The following MARCHF1 variants were observed in gnomAD, a reference collection of about 807,000 sequenced individuals.
MARCHF1 encodes the protein E3 ubiquitin-protein ligase MARCHF1.
In MARCHF1, 40 loss-of-function variants were observed where a neutral mutation model predicts 54.2. The ratio of observed to expected loss-of-function variants is 0.74; its 90% confidence interval spans 0.57 to 0.96. The LOEUF (loss-of-function observed/expected upper bound fraction) is 0.96, where lower values mean the gene tolerates loss of function less well. Ranked by LOEUF, MARCHF1 falls within the 40% of genes least tolerant of loss-of-function variation. The pLI is 0.00. For missense variants in MARCHF1, 586 were observed against 656.5 expected (o/e 0.89, Z 1.17); for synonymous variants, 236 against 236.3 (o/e 1.00, Z 0.01).
chr4:163,660,197 TA>T (rs1743296319), intron 5 of MARCHF1, among the ~76,000 whole-genome samples: 1 of 152,008 alleles, frequency 6.6e-6, no homozygotes, highest in Non-Finnish European at 1.5e-5. Context: ...ATGTGGCACA[TA>T]TATATGAAGG....
intron 1 of MARCHF1, among the ~76,000 whole-genome samples, chr4:164,316,695 G>T (rs952172625): frequency 2.6e-5 from 4 of 152,242 alleles, no homozygotes; most frequent in Non-Finnish European, 4.4e-5. Flanking sequence ...GTTTGGATTT[G>T]TGTCCCCTCA....
chr4:164,326,470 G>A lies in MARCHF1; in HGVS notation c.-323+57400C>T, dbSNP rs142289132. ...ACAGGTAATCATCAAAACAGGAAGA[G>A]AACACATGACTCTAAAGATAGTTGC... On this transcript the variant is annotated intron_variant, in intron 1 of 9. Coordinates refer to ENST00000514618, the MANE Select transcript of MARCHF1 (RefSeq NM_001394959.1). Among the ~76,000 whole-genome samples the A allele has an allele frequency of 1.2e-3, 189 of 152,280 alleles. 5 individuals carry two copies. In the East Asian group the frequency reaches 0.031, roughly 25 times the overall value.
intron 1 of MARCHF1, among the ~76,000 whole-genome samples, chr4:164,142,953 T>G (rs981743904): frequency 2.0e-5 from 3 of 151,884 alleles, no homozygotes; most frequent in Admixed American, 6.6e-5. Context: ...ATAACTAGAA[T>G]AACCAAAACA....
chr4:164,035,490 C>T (rs1260131585), intron 2 of MARCHF1, among the ~76,000 whole-genome samples: 1 of 150,930 alleles, frequency 6.6e-6, no homozygotes, highest in Non-Finnish European at 1.5e-5. Flanking sequence ...AACTACATAA[C>T]TTTTCATTGT....
chr4:163,567,685 C>A (rs1409421627), intron 8 of MARCHF1, among the ~76,000 whole-genome samples: 1 of 152,152 alleles, frequency 6.6e-6, no homozygotes, highest in African/African-American at 2.4e-5. Flanking sequence ...GTGCTTTTCA[C>A]CTTACACAAT....
At chr4:163,772,103 A>G (rs1041244502) in intron 4 of MARCHF1, among the ~76,000 whole-genome samples, 1 of 152,168 alleles carries the variant, frequency 6.6e-6, no homozygotes, top group African/African-American at 2.4e-5. Context: ...CACAATCTGC[A>G]TATTCACAAC....
Position 163,813,004 on chromosome 4 carries a change from A to T in MARCHF1, c.111+41017T>A, listed in dbSNP as rs552297817. 2.3e-3 allele frequency among the ~76,000 whole-genome samples: 344 copies of T among 152,290 alleles called. 2 individuals carry two copies. Among genetic ancestry groups the T allele is most frequent in the African/African-American group, 7.9e-3 (328 of 41,556 alleles). The stretch of plus-strand genomic sequence containing the variant: ...GTCAGCTCAGAAGAGGTAGGGTATT[A>T]TAGTTAAATGAGCTATAAAAGTCAT... On this transcript the variant is annotated intron_variant, in intron 4 of 9. Coordinates refer to ENST00000514618, the MANE Select transcript of MARCHF1 (RefSeq NM_001394959.1).
chr4:163,710,001 G>C (rs183211360), intron 4 of MARCHF1, among the ~76,000 whole-genome samples: 1 of 152,092 alleles, frequency 6.6e-6, no homozygotes, highest in Non-Finnish European at 1.5e-5. Flanking sequence ...ATTAAATTTT[G>C]CACTACGTAG....
rs147491575 is a variant in MARCHF1 at position 164,022,735 on chromosome 4, A to T, written c.-247-34026T>A. On this transcript the variant is annotated intron_variant, in intron 2 of 9. Transcript: ENST00000514618. The stretch of plus-strand genomic sequence containing the variant: ...CCCCAAGGTTCCCCATCTCCGTCCA[A>T]GTATCTCTAGTCCCAGCTGACAGCT... 1.7e-3 allele frequency among the ~76,000 whole-genome samples: 258 copies of T among 152,330 alleles called. 1 individual carries two copies. The highest frequency in any genetic ancestry group is 5.6e-3 in the African/African-American group (231 of 41,576).
At chr4:163,857,274 A>T (rs995529191) in intron 3 of MARCHF1, among the ~76,000 whole-genome samples, 1 of 152,158 alleles carries the variant, frequency 6.6e-6, no homozygotes, top group Non-Finnish European at 1.5e-5. Context: ...TACAATATAG[A>T]TTCTAAAAAT....
rs114840380 is a variant in MARCHF1 at position 163,533,156 on chromosome 4, G to T, written c.1340-4110C>A. Among the ~76,000 whole-genome samples the T allele has an allele frequency of 7.3e-3, 1,106 of 152,102 alleles. 10 individuals carry two copies. The highest frequency in any genetic ancestry group is 0.024 in the African/African-American group (1,015 of 41,520). ...AACTGTGATACATCCATGTAATGGA[G>T]TATTATTTAGTGATTAAAAAGAAAT... is the stretch of plus-strand genomic sequence containing the variant. On this transcript the variant is annotated intron_variant, in intron 9 of 9. Transcript: ENST00000514618.
chr4:164,213,093 TTA>T (rs1041088194), intron 1 of MARCHF1, among the ~76,000 whole-genome samples: 1 of 151,944 alleles, frequency 6.6e-6, no homozygotes, highest in Non-Finnish European at 1.5e-5. Context: ...GTGTGTGTGC[TTA>T]TGTCATATAT....
At position 164,232,679 on chromosome 4, in the gene MARCHF1, C is replaced by A. The variant is rs1031513764; in HGVS notation, c.-322-121017G>T. ...TAATGTCATACATTAAAACTCCATA[C>A]CTTGTATGGTATCATATCAAAAATG... On this transcript the variant is annotated intron_variant, in intron 1 of 9. Coordinates refer to ENST00000514618, the MANE Select transcript of MARCHF1 (RefSeq NM_001394959.1). Among the ~76,000 whole-genome samples the A allele has an allele frequency of 4.6e-5, 7 of 152,214 alleles. No homozygotes were observed. In the East Asian group the frequency reaches 1.2e-3, roughly 25 times the overall value.
chr4:163,831,702 G>A (rs949964341), intron 4 of MARCHF1, among the ~76,000 whole-genome samples: 1 of 152,286 alleles, frequency 6.6e-6, no homozygotes, highest in Non-Finnish European at 1.5e-5. Flanking sequence ...CAAATCAAAT[G>A]TTTGAGGAAA....
chr4:164,139,111 T>A (rs114173159), intron 1 of MARCHF1, among the ~76,000 whole-genome samples: 171 of 152,284 alleles, frequency 1.1e-3, no homozygotes, highest in African/African-American at 4.0e-3. Context: ...TGTGGTAAGA[T>A]GAGTACAATA....
chr4:163,810,580 A>T (rs1317306613), intron 4 of MARCHF1, among the ~76,000 whole-genome samples: 1 of 152,204 alleles, frequency 6.6e-6, no homozygotes, highest in African/African-American at 2.4e-5. Context: ...TATGACAATA[A>T]TTTCCATGAT....
At chr4:164,048,572 A>G (rs1353454873) in intron 2 of MARCHF1, among the ~76,000 whole-genome samples, 1 of 152,198 alleles carries the variant, frequency 6.6e-6, no homozygotes, top group East Asian at 1.9e-4. Flanking sequence ...TTTTGTAAAT[A>G]GAAATACCAC....
At chr4:164,151,340 G>C (rs184555818) in intron 1 of MARCHF1, among the ~76,000 whole-genome samples, 269 of 152,222 alleles carry the variant, frequency 1.8e-3, no homozygotes, top group African/African-American at 6.3e-3. Flanking sequence ...TCAAAATTAC[G>C]GAAACTACCA....
At chr4:163,913,434 A>G (rs899647320) in intron 3 of MARCHF1, among the ~76,000 whole-genome samples, 1 of 152,050 alleles carries the variant, frequency 6.6e-6, no homozygotes, top group Non-Finnish European at 1.5e-5. Context: ...AATGTTAGCA[A>G]TGTTTTTTCA....
Sources: gnomAD v4.1 joint callset for allele counts (sites outside exome capture counted in the v4.1 genomes callset) on GRCh38, gnomAD v4.1.1 for gene constraint, MANE v1.5 for transcripts, NCBI Gene and HGNC (gene_info 2026-07-23, HGNC 2026-07-21) for gene names.